Variants in ENGASE observed in about 807,000 individuals in gnomAD.
The protein encoded by ENGASE is endo-beta-N-acetylglucosaminidase, also known as cytosolic endo-beta-N-acetylglucosaminidase.
ENGASE carries 69 observed loss-of-function variants against 78.5 expected under a neutral mutation model. The ratio of observed to expected loss-of-function variants is 0.88; its 90% CI spans 0.72 to 1.07. The LOEUF is 1.07. Among genes scored for constraint, ENGASE ranks in the 50% least tolerant of loss-of-function variants. ENGASE has a pLI of 0.00. For missense variants in ENGASE, 943 were observed against 988.4 expected (o/e 0.95, Z 0.62); for synonymous variants, 408 against 408.9 (o/e 1.00, Z 0.03).
intron 10 of ENGASE, 70 bp from the exon 11 acceptor site, chr17:79,084,468 G>T: frequency 7.0e-7 from 1 of 1,437,082 alleles, no homozygotes; most frequent in Non-Finnish European, 9.2e-7. Flanking sequence ...GCTGGTGGAC[G>T]CGATTTGGAG....
At position 79,086,422 on chromosome 17, in the gene ENGASE, G is replaced by A. The variant is rs746406384; in HGVS notation, c.*73G>A. ...TCCCGGCTGTCTGCCCCTGGCCTGC[G>A]CTGGACCTGCTAAGTGCCCACAGTG... On this transcript the variant is annotated 3_prime_UTR_variant, in exon 14 of 14. Transcript: ENST00000579016. 9.3e-6 allele frequency: 14 copies of A among 1,504,178 alleles called. No homozygotes were observed. Among genetic ancestry groups the A allele is most frequent in the African/African-American group, 5.5e-5 (4 of 72,164 alleles). The allele number at this position is 1,504,178 out of a possible 1,614,324, so 93.2% of individuals were successfully genotyped here.
intron 7 of ENGASE, 110 bp downstream of exon 7, chr17:79,082,173 G>C: frequency 6.3e-7 from 1 of 1,591,828 alleles, no homozygotes; most frequent in Non-Finnish European, 8.6e-7. Flanking sequence ...GACAGCAGCT[G>C]TTCTTCCCAG....
chr17:79,076,623 T>C (rs2072973834), intron 1 of ENGASE, among the ~76,000 whole-genome samples: 1 of 152,212 alleles, frequency 6.6e-6, no homozygotes, highest in Non-Finnish European at 1.5e-5. Context: ...GCTTTCCATG[T>C]TAATGTACCG....
At chr17:79,077,047 T>A (rs2072985919) in intron 1 of ENGASE, among the ~76,000 whole-genome samples, 1 of 152,132 alleles carries the variant, frequency 6.6e-6, no homozygotes, top group African/African-American at 2.4e-5. Context: ...CTAATTTTTG[T>A]ATTAGTAGAG....
Position 79,082,764 on chromosome 17 carries a change from C to T in ENGASE, c.1039-256C>T, listed in dbSNP as rs750485973. ...GGACAATGGGACCGCGCAGCCACAG[C>T]CAGTTGGGGCCCAGCCCCTGCCCCC... On this transcript the variant is annotated intron_variant, in intron 7 of 13. Transcript: ENST00000579016. 5.5e-6 allele frequency: 8 copies of T among 1,459,986 alleles called. No individual in the cohort carries two copies. In the African/African-American group the frequency reaches 1.1e-4, roughly 20 times the overall value. 90.4% of individuals were successfully genotyped at this position (1,459,986 alleles called of 1,614,324 possible).
At position 79,081,914 on chromosome 17, in the gene ENGASE, T is replaced by C. The variant is rs557191567; in HGVS notation, c.889T>C (p.Cys297Arg). ...NQHNRVFFDSCDGFFTNYNWR... is the reference protein window; with the variant it reads ...NQHNRVFFDSRDGFFTNYNWR... ...GCTTCTCAGGGTCTTCTTTGATTCC[T>C]GCGACGGCTTCTTCACTAACTATAA... The change falls in exon 7 of 14, where the codon TGC (cysteine) becomes CGC (arginine). Residue 297 changes from cysteine to arginine, a missense_variant. Physicochemically the swap from Cys to Arg is radical, Grantham distance 180. Coordinates refer to ENST00000579016, the MANE Select transcript of ENGASE (RefSeq NM_001042573.3). The C allele has an allele frequency of 5.0e-6, 8 of 1,612,802 alleles. No homozygotes were observed. The highest frequency in any genetic ancestry group is 6.8e-6 in the Non-Finnish European group (8 of 1,179,102).
chr17:79,086,709 G>A lies in ENGASE; in HGVS notation c.*360G>A, dbSNP rs151109977. On this transcript the variant is annotated 3_prime_UTR_variant, in exon 14 of 14. Transcript: ENST00000579016. ...TAATAGGCTGCAAGATGCTGATGCCGAGAATGATGATTTTCTTTCCTGCAG... is the reference window on the plus strand; with the variant it reads ...TAATAGGCTGCAAGATGCTGATGCCAAGAATGATGATTTTCTTTCCTGCAG... The A allele has an allele frequency of 1.1e-4, 42 of 397,594 alleles. No individual in the cohort carries two copies. Among genetic ancestry groups the A allele is most frequent in the African/African-American group, 7.4e-4 (36 of 48,642 alleles). The allele number at this position is 397,594 out of a possible 1,614,324, so 24.6% of individuals were successfully genotyped here. A position where few individuals can be genotyped will look rare whatever the true frequency, so the allele number is the denominator to read the frequency against.
At chr17:79,077,566 G>A (rs752939475) in intron 2 of ENGASE, 69 bp downstream of exon 2, 1 of 1,559,650 alleles carries the variant, frequency 6.4e-7, no homozygotes, top group South Asian at 1.2e-5. Context: ...GTCAGCCCCT[G>A]CCCCCTCTCA....
intron 3 of ENGASE, among the ~76,000 whole-genome samples, chr17:79,078,321 C>T (rs528587216): frequency 1.9e-4 from 29 of 152,272 alleles, no homozygotes; most frequent in African/African-American, 5.8e-4. Context: ...GCCTGGGCAA[C>T]AGAGTGAGAC....
At chr17:79,080,154 G>A in intron 4 of ENGASE, 53 bp from the exon 5 acceptor site, 1 of 1,544,352 alleles carries the variant, frequency 6.5e-7, no homozygotes, top group South Asian at 1.2e-5. Flanking sequence ...AAAACTGTGG[G>A]TGGAGGGAAA....
Position 79,079,511 on chromosome 17 carries a change from C to T in ENGASE, c.439C>T (p.Gln147Ter), listed in dbSNP as rs1219396515. Reference protein sequence around the residue: ...DDRFIQGSVVQTPYAFYHWQC... With the variant: ...DDRFIQGSVV ...CAGGTTCATTCAGGGCTCGGTGGTG[C>T]AGACTCCCTATGCTTTCTACCACTG... Residue 147 changes from glutamine (Q) to a stop codon, truncating the protein, a stop_gained, in exon 4 of 14, where the codon CAG becomes TAG. Coordinates refer to ENST00000579016, the MANE Select transcript of ENGASE (RefSeq NM_001042573.3). LOFTEE classifies it high-confidence loss of function. The T allele has an allele frequency of 1.2e-6, 2 of 1,613,554 alleles. No individual in the cohort carries two copies. Among genetic ancestry groups the T allele is most frequent in the African/African-American group, 1.3e-5 (1 of 74,820 alleles).
At chr17:79,082,760 A>G in intron 7 of ENGASE, 1 of 1,455,764 alleles carries the variant, frequency 6.9e-7, no homozygotes, top group South Asian at 1.2e-5. Flanking sequence ...CCGCGCAGCC[A>G]CAGCCAGTTG....
rs539067115 is a variant in ENGASE at position 79,082,162 on chromosome 17, T to C, written c.1038+99T>C. On this transcript the variant is annotated intron_variant, in intron 7 of 13. Transcript: ENST00000579016. ...CATTCCCGTCTGCACCTCAAAGGAATGACAGCAGCTGTTCTTCCCAGAGTG... is the reference window on the plus strand; with the variant it reads ...CATTCCCGTCTGCACCTCAAAGGAACGACAGCAGCTGTTCTTCCCAGAGTG... 1.0e-4 allele frequency: 164 copies of C among 1,601,268 alleles called. 3 individuals are homozygous for C. In the South Asian group the frequency reaches 1.8e-3, roughly 17 times the overall value.
intron 7 of ENGASE, 110 bp downstream of exon 7, chr17:79,082,173 G>A: frequency 1.3e-6 from 2 of 1,591,828 alleles, no homozygotes; most frequent in Non-Finnish European, 1.7e-6. Flanking sequence ...GACAGCAGCT[G>A]TTCTTCCCAG....
Position 79,082,046 on chromosome 17 carries a change from C to G in ENGASE, c.1021C>G (p.Arg341Gly), listed in dbSNP as rs201591624. The G allele has an allele frequency of 9.3e-6, 15 of 1,614,186 alleles. No homozygotes were observed. In the East Asian group the frequency reaches 2.9e-4, roughly 31 times the overall value. ...TGCTCGAGGGAACGTGGTCGGAGGC[C>G]GATTCGACACAGACAAGGTGGGTGG... ...VFARGNVVGG[R>G]FDTDKSLELI... is the part of the protein sequence containing the mutation. The change falls in exon 7 of 14, where the codon CGA becomes GGA. Residue 341 changes from arginine (R) to glycine (G), a missense_variant. By Grantham distance (125) the Arg-to-Gly change is moderately radical. Transcript: ENST00000579016.
In ENGASE at chr17:79,080,350, G is replaced by A. The variant is rs201536028; in HGVS notation, c.709G>A (p.Glu237Lys). ...FRFDGWLINI[E>K]NSLSLAAVGN... ...TTTTGATGGCTGGCTGATCAACATC[G>A]AGAACTCGCTGAGTGTGAGTGCCCA... The change falls in exon 5 of 14, where the codon GAG (glutamate) becomes AAG (lysine). Residue 237 changes from glutamate to lysine, a missense_variant. Physicochemically the swap from Glu to Lys is moderately conservative, Grantham distance 56. Coordinates refer to ENST00000579016, the MANE Select transcript of ENGASE (RefSeq NM_001042573.3). The A allele has an allele frequency of 4.2e-5, 68 of 1,613,250 alleles. No homozygotes were observed. The African/African-American group carries it at 5.2e-4, about 12-fold the overall frequency.
At position 79,086,314 on chromosome 17, in the gene ENGASE, G is replaced by A. The variant is rs375398985; in HGVS notation, c.2197G>A (p.Gly733Ser). ...GTTCCGGGTACCTCAGGCCGAGTGG[G>A]GCAGGGCAGTTCTGCTTTATTCAGC... The part of the protein sequence containing the change: ...EGFRVPQAEW[G>S]RAVLLYSAPA Residue 733 changes from glycine to serine, a missense_variant, in exon 14 of 14, where the codon GGC becomes AGC. Physicochemically the swap from Gly to Ser is moderately conservative, Grantham distance 56 (BLOSUM62 0). Coordinates refer to ENST00000579016, the MANE Select transcript of ENGASE (RefSeq NM_001042573.3). The A allele has an allele frequency of 2.2e-4, 351 of 1,613,310 alleles. No homozygotes were observed. The highest frequency in any genetic ancestry group is 2.7e-4 in the Non-Finnish European group (314 of 1,180,038).
At chr17:79,080,858 C>G (rs2073113292) in intron 5 of ENGASE, 67 bp from the exon 6 acceptor site, 3 of 1,546,970 alleles carry the variant, frequency 1.9e-6, no homozygotes, top group Non-Finnish European at 2.6e-6. Context: ...CTGTCCAGCG[C>G]TGGATACTTC....
intron 12 of ENGASE, 72 bp downstream of exon 12, chr17:79,085,414 G>T (rs539420419): frequency 1.4e-6 from 2 of 1,399,454 alleles, no homozygotes; most frequent in Non-Finnish European, 1.9e-6. Context: ...GAGCTGGAGG[G>T]ATGGAGGGGC....
Sources: allele counts gnomAD v4.1 joint callset (sites outside exome capture counted in the v4.1 genomes callset), GRCh38; gene constraint gnomAD v4.1.1; transcripts MANE v1.5; gene names NCBI Gene and HGNC (gene_info 2026-07-23, HGNC 2026-07-21).